THOC2: variants seen among roughly 807,000 people sequenced by gnomAD.
THOC2 encodes THO complex 2.
In THOC2, 10 loss-of-function variants were observed where a neutral mutation model predicts 128.4. The ratio of observed to expected loss-of-function variants is 0.08; its 90% confidence interval spans 0.05 to 0.13. The LOEUF (loss-of-function observed/expected upper bound fraction) is 0.13. THOC2 is among the 10% of genes least tolerant of loss of function. The pLI, the probability that THOC2 is intolerant of heterozygous loss-of-function variation, is 1.00. For synonymous variants in THOC2, 393 were observed against 396.9 expected (o/e 0.99, Z 0.12); for missense variants, 535 against 1,155.7 (o/e 0.46, Z 7.79).
In THOC2 at chrX:123,621,545, C is replaced by T; in HGVS notation, c.3828G>A (p.Glu1276=). 1 of 1,165,512 alleles carries T rather than the reference C, an allele frequency of 8.6e-7. No homozygotes were observed. Among genetic ancestry groups the T allele is most frequent in the Non-Finnish European group, 1.1e-6 (1 of 875,117 alleles). The change falls in exon 31 of 39, where the codon GAG becomes GAA. Residue 1276 remains glutamate (E), a synonymous_variant. Transcript: ENST00000245838. ...VKENDKEKGK[E]KEKEKKEKTP... is the part of the protein sequence containing the mutation. The stretch of plus-strand genomic sequence containing the variant: ...TCTTTTCTTTTTTCTCTTTTTCTTT[C>T]TCTTTCCCTTTTTCTTTGTCATTTT...
chrX:123,687,784 C>CT (rs1205352600), intron 7 of THOC2, among the ~76,000 whole-genome samples: 1 of 111,767 alleles, frequency 8.9e-6, no homozygotes, highest in Non-Finnish European at 1.9e-5. Context: ...GAGATCCAAA[C>CT]TTAAGAACAC....
chrX:123,665,872 T>C, intron 11 of THOC2, 35 bp from the exon 12 acceptor site: 1 of 787,439 alleles, frequency 1.3e-6, no homozygotes, highest in Non-Finnish European at 1.7e-6. Context: ...AATAAACAAA[T>C]AAATAAGTAT....
intron 24 of THOC2, 53 bp from the exon 25 acceptor site, chrX:123,626,122 C>T: frequency 1.1e-6 from 1 of 904,648 alleles, no homozygotes; most frequent in African/African-American, 2.0e-5. Context: ...CCAAGTGCCT[C>T]AAAGCCACTA....
At chrX:123,723,988 C>T (rs1345217139) in intron 1 of THOC2, among the ~76,000 whole-genome samples, 8 of 111,500 alleles carry the variant, frequency 7.2e-5, no homozygotes, top group Non-Finnish European at 1.5e-4. Flanking sequence ...GGTTTCATGA[C>T]TTCTCTGTAT....
At chrX:123,638,727 T>TACACAC (rs753366301) in intron 17 of THOC2, among the ~76,000 whole-genome samples, 3 of 81,410 alleles carry the variant, frequency 3.7e-5, no homozygotes, top group East Asian at 3.8e-4. Context: ...GACACACACG[T>TACACAC]ACACACACAC....
At chrX:123,652,929 T>A (rs949922894) in intron 12 of THOC2, among the ~76,000 whole-genome samples, 1 of 111,626 alleles carries the variant, frequency 9.0e-6, no homozygotes, top group Non-Finnish European at 1.9e-5. Flanking sequence ...CTACTTTAAA[T>A]TTCATAAGGA....
chrX:123,602,192 G>T (rs1357687876), intron 38 of THOC2: 1 of 112,423 alleles, frequency 8.9e-6, no homozygotes, highest in Non-Finnish European at 1.9e-5. Context: ...TCACTTACAT[G>T]AAATGCTGAC....
At chrX:123,709,889 C>A (rs373684186) in intron 2 of THOC2, among the ~76,000 whole-genome samples, 3 of 110,424 alleles carry the variant, frequency 2.7e-5, no homozygotes, top group Non-Finnish European at 5.7e-5. Flanking sequence ...TATTAGCCAT[C>A]ATTACAATGT....
At chrX:123,703,392 T>G (rs1445164624) in intron 4 of THOC2, 62 bp downstream of exon 4, 1 of 745,718 alleles carries the variant, frequency 1.3e-6, no homozygotes, top group African/African-American at 2.2e-5. Context: ...AAACATTTTA[T>G]TTAACAAACA....
At chrX:123,647,831 ACT>A (rs1482038701) in intron 12 of THOC2, among the ~76,000 whole-genome samples, 1 of 70,146 alleles carries the variant, frequency 1.4e-5, no homozygotes, top group African/African-American at 5.5e-5. Flanking sequence ...ACACAACAAG[ACT>A]CTGTCTCAAA....
intron 29 of THOC2, 107 bp downstream of exon 29, chrX:123,622,998 G>T: frequency 2.2e-6 from 2 of 893,631 alleles, no homozygotes; most frequent in East Asian, 3.3e-5. Context: ...CCTATCTAGG[G>T]AATAAAAAGT....
At chrX:123,709,841 G>A (rs1222738405) in intron 2 of THOC2, among the ~76,000 whole-genome samples, 1 of 110,798 alleles carries the variant, frequency 9.0e-6, no homozygotes, top group Non-Finnish European at 1.9e-5. Context: ...TTATATACAC[G>A]TATCAAAATA....
At chrX:123,612,600 T>C (rs531736278) in intron 36 of THOC2, among the ~76,000 whole-genome samples, 1 of 111,527 alleles carries the variant, frequency 9.0e-6, no homozygotes, top group African/African-American at 3.2e-5. Flanking sequence ...TGGAACTAGA[T>C]AGAGATGATT....
At chrX:123,708,126 C>A (rs949898233) in intron 2 of THOC2, among the ~76,000 whole-genome samples, 3 of 111,158 alleles carry the variant, frequency 2.7e-5, no homozygotes, top group Non-Finnish European at 5.7e-5. Context: ...AAATAAACTT[C>A]TCCCCTGCTA....
rs773054295 is a variant in THOC2 at position 123,632,993 on chromosome X, T to C, written c.2184A>G (p.Arg728=). 2 of 1,210,725 alleles carry C rather than the reference T, an allele frequency of 1.7e-6. No individual in the cohort carries two copies. The highest frequency in any genetic ancestry group is 3.5e-5 in the African/African-American group (2 of 57,727). Residue 728 remains arginine (R), a synonymous_variant, in exon 21 of 39, where the codon AGA becomes AGG. Transcript: ENST00000245838. The part of the protein sequence containing the change: ...QIRNTKKSSQ[R]LKDALLDHDL... ...CATGGTCCAATAGAGCATCCTTTAA[T>C]CTCTGAGAGGATTTTTTAGTGTTTC... is the stretch of plus-strand genomic sequence containing the variant.
chrX:123,634,324 AC>A (rs1365837374), intron 19 of THOC2, among the ~76,000 whole-genome samples: 1 of 111,277 alleles, frequency 9.0e-6, no homozygotes, highest in African/African-American at 3.3e-5. Context: ...TACAAAGCTC[AC>A]CCATATATCC....
intron 12 of THOC2, among the ~76,000 whole-genome samples, chrX:123,660,727 A>C (rs1308370005): frequency 4.4e-5 from 5 of 112,507 alleles, no homozygotes; most frequent in African/African-American, 1.6e-4. Flanking sequence ...AAATTTCTTT[A>C]AATTTTTTAC....
In THOC2 at chrX:123,645,551, T is replaced by C. The variant is rs996498701; in HGVS notation, c.1387-176A>G. ...AACCTTTTTAAATTTTATCTGTTTC[T>C]AACCTCTAAGTCATACTTGACATCC... On this transcript the variant is annotated intron_variant, in intron 12 of 38. Coordinates refer to ENST00000245838, the MANE Select transcript of THOC2 (RefSeq NM_001081550.2). 6.2e-5 allele frequency among the ~76,000 whole-genome samples: 7 copies of C among 112,891 alleles called. 1 individual carries two copies. Among genetic ancestry groups the C allele is most frequent in the Non-Finnish European group, 1.1e-4 (6 of 53,384 alleles).
intron 30 of THOC2, 77 bp downstream of exon 30, chrX:123,622,681 A>G: frequency 1.3e-6 from 1 of 762,135 alleles, no homozygotes. Context: ...TGCAAGACCA[A>G]CCCCGTCTCA....
Sources: gnomAD v4.1 joint callset for allele counts (sites outside exome capture counted in the v4.1 genomes callset) on GRCh38, gnomAD v4.1.1 for gene constraint, MANE v1.5 for transcripts, NCBI Gene and HGNC (gene_info 2026-07-23, HGNC 2026-07-21) for gene names.